STARD3NL: variants seen among roughly 807,000 people sequenced by gnomAD.
STARD3NL encodes STARD3 N-terminal-like protein.
Under a neutral mutation model 30.9 loss-of-function variants are expected in STARD3NL, and 17 were observed. That is an observed-to-expected ratio of 0.55 (90% CI 0.38 to 0.82). The LOEUF (loss-of-function observed/expected upper bound fraction) is 0.82. STARD3NL is among the 40% of genes least tolerant of loss of function. The probability of loss-of-function intolerance (pLI) is 0.00; values close to 1 mark genes in which losing one functional copy is unlikely to be tolerated. For missense variants in STARD3NL, 234 were observed against 277.6 expected (o/e 0.84, Z 1.12); for synonymous variants, 112 against 100.5 (o/e 1.11, Z -0.69).
intron 6 of STARD3NL, among the ~76,000 whole-genome samples, chr7:38,218,287 A>G (rs1255694118): frequency 6.6e-6 from 1 of 152,250 alleles, no homozygotes; most frequent in African/African-American, 2.4e-5. Context: ...GCAGGATGCA[A>G]AATAATCTTG....
At chr7:38,206,841 G>A (rs1025849125) in intron 1 of STARD3NL, among the ~76,000 whole-genome samples, 2 of 152,170 alleles carry the variant, frequency 1.3e-5, no homozygotes, top group African/African-American at 4.8e-5. Context: ...CATGATCATA[G>A]CTCACTATAA....
At chr7:38,192,884 T>G (rs1412530117) in intron 1 of STARD3NL, among the ~76,000 whole-genome samples, 2 of 148,944 alleles carry the variant, frequency 1.3e-5, no homozygotes, top group Non-Finnish European at 1.5e-5. Context: ...CTGTTTGTTC[T>G]CCTTGTCTCC....
At chr7:38,221,708 CATAAAGG>C (rs1363873380) in intron 7 of STARD3NL, among the ~76,000 whole-genome samples, 2 of 152,208 alleles carry the variant, frequency 1.3e-5, no homozygotes, top group Non-Finnish European at 2.9e-5. Flanking sequence ...CCTTCAGTAG[CATAAAGG>C]ATAAAGAAAT....
chr7:38,228,307 G>C lies in STARD3NL; in HGVS notation c.650-492G>C, dbSNP rs574942473. Among the ~76,000 whole-genome samples the C allele has an allele frequency of 2.6e-5, 4 of 152,252 alleles. No individual in the cohort carries two copies. The South Asian group carries it at 8.3e-4, about 32-fold the overall frequency. ...AAGAATTCCAGAGCGGAATGACCAG[G>C]TCAAATCTAGGAATATCCTGAAGCT... On this transcript the variant is annotated intron_variant, in intron 7 of 8. Coordinates refer to ENST00000009041, the MANE Select transcript of STARD3NL (RefSeq NM_032016.4).
chr7:38,221,986 C>T (rs1786490753), intron 7 of STARD3NL, among the ~76,000 whole-genome samples: 1 of 152,196 alleles, frequency 6.6e-6, no homozygotes, highest in South Asian at 2.1e-4. Context: ...CTTAGAACAT[C>T]CTTAGCATGT....
chr7:38,186,625 G>T lies in STARD3NL; in HGVS notation c.-59+8205G>T, dbSNP rs189527403. ...ATTTTTGCTGTATTGTTTCTGTTTA[G>T]ATATGCAAATACTTCTCATTGTGTT... On this transcript the variant is annotated intron_variant, in intron 1 of 8. Coordinates refer to ENST00000009041, the MANE Select transcript of STARD3NL (RefSeq NM_032016.4). Among the ~76,000 whole-genome samples, 19 of 152,258 alleles carry T rather than the reference G, an allele frequency of 1.2e-4. No individual in the cohort carries two copies. The East Asian group carries it at 3.7e-3, about 29-fold the overall frequency.
chr7:38,227,128 T>A (rs927130395), intron 7 of STARD3NL, among the ~76,000 whole-genome samples: 1 of 152,240 alleles, frequency 6.6e-6, no homozygotes, highest in Admixed American at 6.5e-5. Flanking sequence ...GAAGTCTCTT[T>A]TAAAATATGT....
chr7:38,192,213 C>G (rs2116022323), intron 1 of STARD3NL, among the ~76,000 whole-genome samples: 1 of 151,994 alleles, frequency 6.6e-6, no homozygotes, highest in Admixed American at 6.5e-5. Context: ...TTTCCCACTC[C>G]CCTGGATTGA....
chr7:38,207,628 G>C lies in STARD3NL; in HGVS notation c.124G>C (p.Gly42Arg), dbSNP rs775112688. ...QLMARIESYE[G>R]REKKGISDVR... ...CATGGCCAGGATTGAGTCCTATGAAGGAAGGGAAAAGAAAGGCATATCTGA... is the reference window on the plus strand; with the variant it reads ...CATGGCCAGGATTGAGTCCTATGAACGAAGGGAAAAGAAAGGCATATCTGA... The change falls in exon 2 of 9, where the codon GGA becomes CGA. Residue 42 changes from glycine (G) to arginine (R), a missense_variant. Gly to Arg is a moderately radical substitution (Grantham distance 125). Transcript: ENST00000009041. 1 of 1,614,060 alleles carries C rather than the reference G, an allele frequency of 6.2e-7. No individual in the cohort carries two copies. The highest frequency in any genetic ancestry group is 2.2e-5 in the East Asian group (1 of 44,884).
chr7:38,197,752 T>G (rs1784991687), intron 1 of STARD3NL, among the ~76,000 whole-genome samples: 1 of 152,228 alleles, frequency 6.6e-6, no homozygotes, highest in South Asian at 2.1e-4. Context: ...CTGGATTAGC[T>G]TCCTTCCCAC....
chr7:38,184,662 A>G (rs1784385664), intron 1 of STARD3NL, among the ~76,000 whole-genome samples: 1 of 138,066 alleles, frequency 7.2e-6, no homozygotes, highest in African/African-American at 2.7e-5. Flanking sequence ...GATATAGTAT[A>G]TAATATATAC....
chr7:38,186,630 G>A (rs906483518), intron 1 of STARD3NL, among the ~76,000 whole-genome samples: 2 of 152,172 alleles, frequency 1.3e-5, no homozygotes, highest in African/African-American at 4.8e-5. Flanking sequence ...GTTTAGATAT[G>A]CAAATACTTC....
rs770016643 is a variant in STARD3NL at position 38,217,291 on chromosome 7, CAGA to C, written c.547_549del (p.Glu183del). On this transcript the variant is annotated inframe_deletion, in exon 6 of 9. Coordinates refer to ENST00000009041, the MANE Select transcript of STARD3NL (RefSeq NM_032016.4). ...GATTTCAAAGTGTTACCTCAAGAAG[CAGA>C]AGAAGAAAACAGTAAGTTCCTCTCA... is the stretch of plus-strand genomic sequence containing the variant. 1 of 1,613,838 alleles carries C rather than the reference CAGA, an allele frequency of 6.2e-7. No homozygotes were observed. Among genetic ancestry groups the C allele is most frequent in the Non-Finnish European group, 8.5e-7 (1 of 1,179,882 alleles).
In STARD3NL at chr7:38,207,723, G is replaced by A. The variant is rs779524300; in HGVS notation, c.219G>A (p.Glu73=). ...LLFVTLLWII[E]LNVNGGIENT... is the part of the protein sequence containing the mutation. ...TCGTAACATTACTGTGGATAATAGA[G>A]TTAAATGTAAGTTGGTGGTTCTTTC... is the stretch of plus-strand genomic sequence containing the variant. Residue 73 remains glutamate (E), a synonymous_variant, in exon 2 of 9, where the codon GAG becomes GAA. Transcript: ENST00000009041. 6.2e-7 allele frequency: 1 copy of A among 1,613,220 alleles called. No individual in the cohort carries two copies. Among genetic ancestry groups the A allele is most frequent in the Non-Finnish European group, 8.5e-7 (1 of 1,179,438 alleles).
intron 1 of STARD3NL, among the ~76,000 whole-genome samples, chr7:38,185,315 C>T (rs959350996): frequency 5.9e-5 from 9 of 152,164 alleles, no homozygotes; most frequent in African/African-American, 1.9e-4. Flanking sequence ...AATCTTTGGA[C>T]TACAAACCTT....
intron 1 of STARD3NL, among the ~76,000 whole-genome samples, chr7:38,197,165 T>C (rs373561243): frequency 4.1e-5 from 6 of 144,940 alleles, no homozygotes; most frequent in Non-Finnish European, 6.1e-5. Context: ...TCTTTCTTTC[T>C]TTCTTTCTTT....
chr7:38,183,011 G>T lies in STARD3NL; in HGVS notation c.-59+4591G>T, dbSNP rs556691866. 3.4e-4 allele frequency among the ~76,000 whole-genome samples: 51 copies of T among 152,144 alleles called. 1 individual carries two copies. Among genetic ancestry groups the T allele is most frequent in the Non-Finnish European group, 5.4e-4 (37 of 67,980 alleles). Reference sequence around the variant, plus strand: ...TGCTCACCAAAGTATATTCTTGTTTGCTTTTTGTTTCAGGAAAATATATTC... The same window carrying T: ...TGCTCACCAAAGTATATTCTTGTTTTCTTTTTGTTTCAGGAAAATATATTC... On this transcript the variant is annotated intron_variant, in intron 1 of 8. Coordinates refer to ENST00000009041, the MANE Select transcript of STARD3NL (RefSeq NM_032016.4).
At chr7:38,220,779 G>T (rs1786410799) in intron 7 of STARD3NL, among the ~76,000 whole-genome samples, 1 of 152,186 alleles carries the variant, frequency 6.6e-6, no homozygotes, top group African/African-American at 2.4e-5. Flanking sequence ...CGACATGTAT[G>T]TACATCCAAT....
At chr7:38,214,025 C>T (rs1426892913) in intron 2 of STARD3NL, among the ~76,000 whole-genome samples, 3 of 152,122 alleles carry the variant, frequency 2.0e-5, no homozygotes, top group Admixed American at 6.5e-5. Flanking sequence ...GGTGAATTGC[C>T]TTCTTTAAAA....
Sources: allele counts gnomAD v4.1 joint callset (sites outside exome capture counted in the v4.1 genomes callset), GRCh38; gene constraint gnomAD v4.1.1; transcripts MANE v1.5; gene names NCBI Gene and HGNC (gene_info 2026-07-23, HGNC 2026-07-21).